The following CPA3 variants were observed in gnomAD, a reference collection of about 807,000 sequenced individuals.
The protein encoded by CPA3 is carboxypeptidase A3.
CPA3 carries 52 observed loss-of-function variants against 55.8 expected under a neutral mutation model. That is an observed-to-expected ratio of 0.93 (90% CI 0.75 to 1.17). The LOEUF (loss-of-function observed/expected upper bound fraction) is 1.17, where lower values mean the gene tolerates loss of function less well. Ranked by LOEUF, CPA3 falls within the 50% of genes most tolerant of loss-of-function variation. The pLI is 0.00. For synonymous variants in CPA3, 179 were observed against 171.2 expected (o/e 1.05, Z -0.36); for missense variants, 547 against 509.1 (o/e 1.07, Z -0.72).
intron 5 of CPA3, among the ~76,000 whole-genome samples, chr3:148,879,292 T>C (rs973040368): frequency 6.6e-6 from 1 of 152,096 alleles, no homozygotes; most frequent in African/African-American, 2.4e-5. Flanking sequence ...TCATTCATTA[T>C]CTCCAACCAC....
chr3:148,891,941 A>G (rs952152321), intron 10 of CPA3, among the ~76,000 whole-genome samples: 1 of 152,184 alleles, frequency 6.6e-6, no homozygotes, highest in African/African-American at 2.4e-5. Context: ...CATGAACTTA[A>G]ATCCAACTAG....
chr3:148,881,449 T>C, intron 6 of CPA3, 73 bp from the exon 7 acceptor site: 1 of 842,242 alleles, frequency 1.2e-6, no homozygotes, highest in Non-Finnish European at 1.9e-6. Flanking sequence ...AAGTTATTAC[T>C]ATTATAACCA....
chr3:148,879,753 G>C, intron 5 of CPA3, 35 bp from the exon 6 acceptor site: 1 of 1,425,456 alleles, frequency 7.0e-7, no homozygotes, highest in African/African-American at 1.4e-5. Flanking sequence ...GTGTGAGTTT[G>C]TTCAAAACAA....
At chr3:148,874,110 C>A (rs1049543164) in intron 3 of CPA3, among the ~76,000 whole-genome samples, 8 of 152,244 alleles carry the variant, frequency 5.3e-5, no homozygotes, top group African/African-American at 1.4e-4. Flanking sequence ...AATTTCTAGT[C>A]CCTATCAGCA....
chr3:148,883,480 C>T (rs1714429664), intron 8 of CPA3, 133 bp from the exon 9 acceptor site: 1 of 669,254 alleles, frequency 1.5e-6, no homozygotes, highest in Admixed American at 2.7e-5. Context: ...ATACAAGAGA[C>T]ATTGAAGCAG....
chr3:148,888,307 T>A (rs556949904), intron 10 of CPA3, among the ~76,000 whole-genome samples: 233 of 152,324 alleles, frequency 1.5e-3, no homozygotes, highest in Admixed American at 3.1e-3. Context: ...GGAAAATGAC[T>A]AAAAAATGGA....
chr3:148,877,932 G>C (rs1247733770), intron 3 of CPA3, among the ~76,000 whole-genome samples: 1 of 152,102 alleles, frequency 6.6e-6, no homozygotes, highest in Non-Finnish European at 1.5e-5. Flanking sequence ...GTGTGTTTTG[G>C]AGAAGGATGG....
chr3:148,889,621 T>C (rs907954410), intron 10 of CPA3, among the ~76,000 whole-genome samples: 4 of 151,926 alleles, frequency 2.6e-5, no homozygotes, highest in African/African-American at 9.7e-5. Context: ...TTTGTAATCC[T>C]AGCACTTTGG....
At chr3:148,888,289 G>A (rs1240523186) in intron 10 of CPA3, among the ~76,000 whole-genome samples, 1 of 152,162 alleles carries the variant, frequency 6.6e-6, no homozygotes, top group East Asian at 1.9e-4. Flanking sequence ...TGCTTCTTTG[G>A]CAGAACTGGA....
chr3:148,867,362 C>T (rs1713929989), intron 2 of CPA3, among the ~76,000 whole-genome samples: 1 of 152,220 alleles, frequency 6.6e-6, no homozygotes, highest in African/African-American at 2.4e-5. Flanking sequence ...CCTGGAATAC[C>T]CGGTTCCTTC....
At chr3:148,884,121 G>A (rs1714455603) in intron 9 of CPA3, among the ~76,000 whole-genome samples, 1 of 152,074 alleles carries the variant, frequency 6.6e-6, no homozygotes, top group Non-Finnish European at 1.5e-5. Flanking sequence ...TTTACCATGG[G>A]TTGTACGGTA....
intron 3 of CPA3, among the ~76,000 whole-genome samples, chr3:148,877,008 T>C (rs1249601276): frequency 6.6e-6 from 1 of 152,190 alleles, no homozygotes; most frequent in African/African-American, 2.4e-5. Context: ...ATTAATTAAA[T>C]AATGTGTATA....
intron 2 of CPA3, 100 bp from the exon 3 acceptor site, chr3:148,868,815 C>T (rs1359524117): frequency 1.5e-6 from 2 of 1,347,002 alleles, no homozygotes; most frequent in Non-Finnish European, 2.0e-6. Context: ...TATGCTGAGC[C>T]CCAAATTCCT....
At chr3:148,887,983 G>A (rs1431692639) in intron 10 of CPA3, among the ~76,000 whole-genome samples, 1 of 152,144 alleles carries the variant, frequency 6.6e-6, no homozygotes, top group Non-Finnish European at 1.5e-5. Context: ...ATCCAACAGT[G>A]TTTAGCATTA....
At chr3:148,894,333 T>A (rs1017719264) in intron 10 of CPA3, among the ~76,000 whole-genome samples, 3 of 152,016 alleles carry the variant, frequency 2.0e-5, no homozygotes, top group Non-Finnish European at 4.4e-5. Flanking sequence ...TGTATTATAG[T>A]ACCTGGAGCA....
intron 3 of CPA3, among the ~76,000 whole-genome samples, chr3:148,873,235 C>T (rs1714114762): frequency 6.6e-6 from 1 of 152,174 alleles, no homozygotes; most frequent in South Asian, 2.1e-4. Context: ...CTTAGGGAAA[C>T]CTGAAACCAT....
chr3:148,894,035 A>G (rs1714754351), intron 10 of CPA3, among the ~76,000 whole-genome samples: 1 of 152,264 alleles, frequency 6.6e-6, no homozygotes, highest in Non-Finnish European at 1.5e-5. Context: ...CCTCTGAACA[A>G]GAAGGAAATA....
At chr3:148,892,655 AAACAACAACAAC>A (rs533672624) in intron 10 of CPA3, among the ~76,000 whole-genome samples, 93 of 151,722 alleles carry the variant, frequency 6.1e-4, no homozygotes, top group Non-Finnish European at 1.2e-3. Context: ...TCTATCTCAA[AAACAACAACAAC>A]AACAACAACA....
intron 2 of CPA3, among the ~76,000 whole-genome samples, chr3:148,867,055 C>T (rs1300169879): frequency 1.3e-5 from 2 of 152,164 alleles, no homozygotes; most frequent in African/African-American, 2.4e-5. Flanking sequence ...CATGCCCAGT[C>T]AGAAGCATTT....
Sources: allele counts gnomAD v4.1 joint callset (sites outside exome capture counted in the v4.1 genomes callset), GRCh38; gene constraint gnomAD v4.1.1; transcripts MANE v1.5; gene names NCBI Gene and HGNC (gene_info 2026-07-23, HGNC 2026-07-21).